Variants in ZRANB3 observed in about 807,000 individuals in gnomAD.
ZRANB3 encodes the protein DNA annealing helicase and endonuclease ZRANB3.
A neutral mutation model predicts 133.8 loss-of-function variants in ZRANB3; 125 were observed. The observed-to-expected ratio is 0.93, with a 90% CI of 0.81 to 1.08. The LOEUF (loss-of-function observed/expected upper bound fraction) is 1.08, where lower values mean the gene tolerates loss of function less well. Among genes scored for constraint, ZRANB3 ranks in the 50% least tolerant of loss-of-function variants. ZRANB3 has a pLI of 0.00. For synonymous variants in ZRANB3, 387 were observed against 432.7 expected (o/e 0.89, Z 1.31); for missense variants, 1,229 against 1,275.5 (o/e 0.96, Z 0.56).
intron 2 of ZRANB3, among the ~76,000 whole-genome samples, chr2:135,473,418 T>G (rs569343505): frequency 1.3e-5 from 2 of 152,266 alleles, no homozygotes; most frequent in African/African-American, 4.8e-5. Flanking sequence ...ACTAACCAAT[T>G]TTATGGCATA....
chr2:135,419,431 G>A (rs1688739167), intron 2 of ZRANB3, among the ~76,000 whole-genome samples: 2 of 151,870 alleles, frequency 1.3e-5, no homozygotes. Flanking sequence ...GAGAGAGAAA[G>A]ATAACCTAAA....
chr2:135,347,294 CT>C (rs371254079), intron 5 of ZRANB3, among the ~76,000 whole-genome samples: 131 of 137,330 alleles, frequency 9.5e-4, no homozygotes, highest in Non-Finnish European at 1.3e-3. Flanking sequence ...TTTCAGTTCT[CT>C]TTTTTTTTTT....
chr2:135,524,243 G>C (rs928704551), intron 1 of ZRANB3, among the ~76,000 whole-genome samples: 45 of 152,040 alleles, frequency 3.0e-4, no homozygotes, highest in African/African-American at 9.9e-4. Flanking sequence ...CACCACAGCT[G>C]GCTACTTTTT....
intron 6 of ZRANB3, among the ~76,000 whole-genome samples, chr2:135,317,110 T>TA (rs1253888873): frequency 1.3e-5 from 2 of 151,836 alleles, no homozygotes; most frequent in African/African-American, 2.4e-5. Context: ...TTTACTTGTT[T>TA]AAAAAATCTA....
chr2:135,442,268 A>T (rs1689814389), intron 2 of ZRANB3, among the ~76,000 whole-genome samples: 1 of 152,214 alleles, frequency 6.6e-6, no homozygotes, highest in Non-Finnish European at 1.5e-5. Flanking sequence ...AACCTACAGA[A>T]TGGGAGCAAA....
chr2:135,379,517 T>A (rs1395580333), intron 3 of ZRANB3, among the ~76,000 whole-genome samples: 1 of 152,188 alleles, frequency 6.6e-6, no homozygotes. Flanking sequence ...TTATATGTCC[T>A]TGGGCAATTT....
intron 1 of ZRANB3, among the ~76,000 whole-genome samples, chr2:135,521,193 C>A (rs1037500438): frequency 1.3e-5 from 2 of 152,186 alleles, no homozygotes; most frequent in Non-Finnish European, 2.9e-5. Context: ...ATTTAAAAGT[C>A]TGAATTTTTG....
chr2:135,386,774 T>G (rs532190550), intron 3 of ZRANB3, among the ~76,000 whole-genome samples: 7 of 152,190 alleles, frequency 4.6e-5, no homozygotes, highest in African/African-American at 1.7e-4. Flanking sequence ...TTCTCACTCT[T>G]AGGTGGGAAC....
intron 2 of ZRANB3, among the ~76,000 whole-genome samples, chr2:135,444,277 T>C (rs1014272158): frequency 2.0e-5 from 3 of 152,180 alleles, no homozygotes; most frequent in African/African-American, 7.2e-5. Flanking sequence ...TCTTAGTTTT[T>C]CATGCCAGAG....
chr2:135,257,159 C>T (rs1679700987), intron 12 of ZRANB3, among the ~76,000 whole-genome samples: 1 of 152,216 alleles, frequency 6.6e-6, no homozygotes, highest in African/African-American at 2.4e-5. Flanking sequence ...CATGCCACTG[C>T]TCTGCCTATA....
chr2:135,417,171 G>C (rs552684038), intron 2 of ZRANB3, among the ~76,000 whole-genome samples: 4 of 152,094 alleles, frequency 2.6e-5, no homozygotes, highest in Non-Finnish European at 5.9e-5. Flanking sequence ...GAGTGAACAG[G>C]CAACCTACAG....
chr2:135,225,851 T>C (rs1694740377), intron 14 of ZRANB3, among the ~76,000 whole-genome samples: 1 of 152,196 alleles, frequency 6.6e-6, no homozygotes. Context: ...AATGGAGTGC[T>C]TCATGGTACT....
At chr2:135,442,266 G>A (rs1400492563) in intron 2 of ZRANB3, among the ~76,000 whole-genome samples, 2 of 152,122 alleles carry the variant, frequency 1.3e-5, no homozygotes, top group African/African-American at 2.4e-5. Flanking sequence ...GCAACCTACA[G>A]AATGGGAGCA....
At position 135,229,366 on chromosome 2, in the gene ZRANB3, A is replaced by T. The variant is rs1013680387; in HGVS notation, c.1954+1147T>A. Among the ~76,000 whole-genome samples, 465 of 136,600 alleles carry T rather than the reference A, an allele frequency of 3.4e-3. 2 individuals are homozygous for T. The highest frequency in any genetic ancestry group is 0.012 in the African/African-American group (439 of 36,340). The allele number at this position is 136,600 out of a possible 152,430, so 89.6% of individuals were successfully genotyped here. A position where few individuals can be genotyped will look rare whatever the true frequency, so the allele number is the denominator to read the frequency against. On this transcript the variant is annotated intron_variant, in intron 13 of 20. Coordinates refer to ENST00000264159, the MANE Select transcript of ZRANB3 (RefSeq NM_032143.4). ...TAGCTGAGTCTTTGTCAATGCCAATATTTTTTTTTTTTTTTTTTTGAGACG... is the reference window on the plus strand; with the variant it reads ...TAGCTGAGTCTTTGTCAATGCCAATTTTTTTTTTTTTTTTTTTTTGAGACG...
intron 3 of ZRANB3, among the ~76,000 whole-genome samples, chr2:135,373,337 G>A (rs777987812): frequency 2.0e-5 from 3 of 152,096 alleles, no homozygotes; most frequent in Non-Finnish European, 4.4e-5. Context: ...GAGCAGACAG[G>A]AACCAAAAGG....
intron 1 of ZRANB3, among the ~76,000 whole-genome samples, chr2:135,524,136 G>T (rs1694056050): frequency 6.6e-6 from 1 of 151,614 alleles, no homozygotes; most frequent in African/African-American, 2.4e-5. Context: ...GCCCAGGCTG[G>T]AGTGCAATGG....
intron 12 of ZRANB3, among the ~76,000 whole-genome samples, chr2:135,251,354 T>G (rs1311069247): frequency 2.0e-5 from 3 of 152,162 alleles, no homozygotes; most frequent in African/African-American, 7.2e-5. Context: ...GACTTCTGGG[T>G]TAATGCTGAA....
intron 3 of ZRANB3, among the ~76,000 whole-genome samples, chr2:135,389,132 C>A (rs1298437432): frequency 6.6e-6 from 1 of 152,126 alleles, no homozygotes; most frequent in African/African-American, 2.4e-5. Flanking sequence ...AACAAAAGAA[C>A]TCATCTTGTT....
chr2:135,239,533 A>G lies in ZRANB3; in HGVS notation c.1540-8606T>C, dbSNP rs1306248302. Among the ~76,000 whole-genome samples the G allele has an allele frequency of 2.6e-5, 4 of 152,340 alleles. No homozygotes were observed. In the East Asian group the frequency reaches 5.8e-4, roughly 22 times the overall value. ...TCTCTCCCCTGCTCCACTACTCCCA[A>G]TAATGTAGAACTCTTATTTTGCATG... On this transcript the variant is annotated intron_variant, in intron 12 of 20. Coordinates refer to ENST00000264159, the MANE Select transcript of ZRANB3 (RefSeq NM_032143.4).
Sources: gnomAD v4.1 joint callset for allele counts (sites outside exome capture counted in the v4.1 genomes callset) on GRCh38, gnomAD v4.1.1 for gene constraint, MANE v1.5 for transcripts, NCBI Gene and HGNC (gene_info 2026-07-23, HGNC 2026-07-21) for gene names.